The following RORA variants were observed in gnomAD, a reference collection of about 807,000 sequenced individuals.
RORA encodes the protein nuclear receptor ROR-alpha.
In RORA, 7 loss-of-function variants were observed where a neutral mutation model predicts 69.5. That is an observed-to-expected ratio of 0.10 (90% CI 0.06 to 0.19). The LOEUF is 0.19. RORA is among the 10% of genes least tolerant of loss of function. The pLI is 1.00. For missense variants in RORA, 457 were observed against 663.0 expected, an observed-to-expected ratio of 0.69 and a Z score of 3.41; for synonymous variants, 261 against 240.8, an observed-to-expected ratio of 1.08 and a Z score of -0.78.
In RORA at chr15:60,757,601, G is replaced by C. The variant is rs148282809; in HGVS notation, c.167-78915C>G. ...ACAGTGCCCAAACAATCCGTCTTCT[G>C]ATTCTGAGTATTTATTACTATCTGA... On this transcript the variant is annotated intron_variant, in intron 1 of 10. Coordinates refer to ENST00000335670, the MANE Select transcript of RORA (RefSeq NM_134261.3). Among the ~76,000 whole-genome samples, 482 of 152,240 alleles carry C rather than the reference G, an allele frequency of 3.2e-3. 3 individuals carry two copies. The highest frequency in any genetic ancestry group is 0.011 in the African/African-American group (455 of 41,540).
rs545492230 is a variant in RORA, at chr15:60,731,052, C to A, written c.167-52366G>T. On this transcript the variant is annotated intron_variant, in intron 1 of 10. Transcript: ENST00000335670. ...TTCTTCCTAATCTTCTCCTTCCTCC[C>A]ACCTTCACTGCCTCTTAATAATAAT... Among the ~76,000 whole-genome samples the A allele has an allele frequency of 1.6e-3, 248 of 152,268 alleles. 1 individual carries two copies. Among genetic ancestry groups the A allele is most frequent in the African/African-American group, 5.9e-3 (246 of 41,552 alleles).
rs1469916 is a variant in RORA, at chr15:60,526,465, C to A, written c.282+5301G>T. On this transcript the variant is annotated intron_variant, in intron 3 of 10. Coordinates refer to ENST00000335670, the MANE Select transcript of RORA (RefSeq NM_134261.3). The stretch of plus-strand genomic sequence containing the variant: ...TGAGGAAGGGCAGCAGTTACTGGGA[C>A]ATGATTAAGATCTAAACAAACAAAT... Among the ~76,000 whole-genome samples, 1,076 of 152,256 alleles carry A rather than the reference C, an allele frequency of 7.1e-3. 20 individuals carry two copies. The highest frequency in any genetic ancestry group is 0.025 in the African/African-American group (1,038 of 41,532).
intron 1 of RORA, among the ~76,000 whole-genome samples, chr15:61,182,319 T>C (rs1209855858): frequency 6.6e-6 from 1 of 152,204 alleles, no homozygotes; most frequent in Non-Finnish European, 1.5e-5. Flanking sequence ...TCCTCAGGGT[T>C]TCCTTCCTCC....
intron 1 of RORA, among the ~76,000 whole-genome samples, chr15:61,126,778 G>T (rs2140832902): frequency 6.6e-6 from 1 of 152,220 alleles, no homozygotes; most frequent in Middle Eastern, 3.4e-3. Flanking sequence ...CTCCCTATTG[G>T]AACTCCATGA....
At chr15:61,130,181 T>C (rs1359113234) in intron 1 of RORA, among the ~76,000 whole-genome samples, 3 of 152,208 alleles carry the variant, frequency 2.0e-5, no homozygotes, top group Non-Finnish European at 4.4e-5. Context: ...ATATATTAGT[T>C]ATAATATTAG....
Position 60,693,111 on chromosome 15 carries a change from T to C in RORA, c.167-14425A>G, listed in dbSNP as rs140016501. 2.9e-3 allele frequency among the ~76,000 whole-genome samples: 439 copies of C among 152,254 alleles called. 4 individuals carry two copies. The highest frequency in any genetic ancestry group is 0.01 in the African/African-American group (419 of 41,534). On this transcript the variant is annotated intron_variant, in intron 1 of 10. Transcript: ENST00000335670. ...AAAAAACAAATCCACCATGATCAAA[T>C]TGGCTTCATCCCCGGGATGCAAGGC...
At chr15:61,070,794 C>G (rs1051601605) in intron 1 of RORA, among the ~76,000 whole-genome samples, 2 of 152,284 alleles carry the variant, frequency 1.3e-5, no homozygotes, top group South Asian at 4.1e-4. Flanking sequence ...ATTTCATACT[C>G]TTTTCAAAAA....
intron 1 of RORA, among the ~76,000 whole-genome samples, chr15:60,819,645 G>T (rs1339286407): frequency 2.0e-5 from 3 of 152,002 alleles, no homozygotes; most frequent in Admixed American, 6.6e-5. Flanking sequence ...AATGCAGTAC[G>T]AGCTTCCTCC....
At chr15:60,598,008 A>G (rs906681029) in intron 2 of RORA, among the ~76,000 whole-genome samples, 2 of 152,006 alleles carry the variant, frequency 1.3e-5, no homozygotes, top group African/African-American at 2.4e-5. Context: ...CTCAAAACCA[A>G]CCTACATCCC....
intron 2 of RORA, among the ~76,000 whole-genome samples, chr15:60,670,849 A>G (rs2070454184): frequency 6.6e-6 from 1 of 152,088 alleles, no homozygotes; most frequent in Admixed American, 6.5e-5. Flanking sequence ...AGTGTAAAAA[A>G]TTTAGTGTCA....
intron 3 of RORA, among the ~76,000 whole-genome samples, chr15:60,518,443 G>T (rs887171808): frequency 1.3e-5 from 2 of 152,226 alleles, no homozygotes; most frequent in African/African-American, 2.4e-5. Flanking sequence ...TTTGGATGCA[G>T]ACATCTTCGG....
chr15:61,193,198 T>C (rs1311257691), intron 1 of RORA, among the ~76,000 whole-genome samples: 1 of 152,204 alleles, frequency 6.6e-6, no homozygotes, highest in Non-Finnish European at 1.5e-5. Flanking sequence ...GAAATACTTG[T>C]ACTTCTGTCT....
At chr15:61,199,554 C>A (rs570628657) in intron 1 of RORA, among the ~76,000 whole-genome samples, 1 of 152,196 alleles carries the variant, frequency 6.6e-6, no homozygotes. Flanking sequence ...GTGCTGCCTG[C>A]CCTGGGTGAT....
chr15:60,659,802 T>C (rs7167716), intron 2 of RORA, among the ~76,000 whole-genome samples: 1,815 of 152,332 alleles, frequency 0.012, 43 homozygotes, highest in African/African-American at 0.042. Context: ...AATCTACCAC[T>C]ATGTTCCCAT....
chr15:61,096,283 A>G (rs1218696298), intron 1 of RORA, among the ~76,000 whole-genome samples: 1 of 152,148 alleles, frequency 6.6e-6, no homozygotes, highest in East Asian at 1.9e-4. Context: ...AATCGGGTAC[A>G]TGCTTTATCC....
chr15:60,819,661 C>T (rs1306084227), intron 1 of RORA, among the ~76,000 whole-genome samples: 1 of 151,722 alleles, frequency 6.6e-6, no homozygotes, highest in Non-Finnish European at 1.5e-5. Context: ...CCTCCTTTTT[C>T]CTCGGACCTG....
At chr15:60,873,916 G>T (rs1356393568) in intron 1 of RORA, among the ~76,000 whole-genome samples, 2 of 152,206 alleles carry the variant, frequency 1.3e-5, no homozygotes, top group Non-Finnish European at 2.9e-5. Context: ...AATACAGAAT[G>T]CAAAGCAGTC....
intron 2 of RORA, among the ~76,000 whole-genome samples, chr15:60,652,291 T>TAAAAGCATAAG (rs1316679948): frequency 6.6e-6 from 1 of 152,052 alleles, no homozygotes; most frequent in Non-Finnish European, 1.5e-5. Flanking sequence ...TAAAGATAAT[T>TAAAAGCATAAG]AAAAGCATAA....
chr15:60,627,612 C>G (rs2069626245), intron 2 of RORA: 1 of 1,039,956 alleles, frequency 9.6e-7, no homozygotes, highest in Non-Finnish European at 1.2e-6. Flanking sequence ...AATTCCAAAG[C>G]TGGGCTCCTC....
Sources: gnomAD v4.1 joint callset for allele counts (sites outside exome capture counted in the v4.1 genomes callset) on GRCh38, gnomAD v4.1.1 for gene constraint, MANE v1.5 for transcripts, NCBI Gene and HGNC (gene_info 2026-07-23, HGNC 2026-07-21) for gene names.